PCDHGB7: variants seen among roughly 807,000 people sequenced by gnomAD.
PCDHGB7 encodes the protein protocadherin gamma-B7.
In PCDHGB7, 37 loss-of-function variants were observed where a neutral mutation model predicts 61.4. The observed-to-expected ratio is 0.60, with a 90% CI of 0.46 to 0.79. The LOEUF (loss-of-function observed/expected upper bound fraction) is 0.79, where lower values mean the gene tolerates loss of function less well. PCDHGB7 is among the 30% of genes least tolerant of loss of function. The pLI, the probability that PCDHGB7 is intolerant of heterozygous loss-of-function variation, is 0.00. For synonymous variants in PCDHGB7, 464 were observed against 503.5 expected (o/e 0.92, Z 1.05); for missense variants, 1,166 against 1,202.5 (o/e 0.97, Z 0.45).
At chr5:141,510,431 G>A (rs912708135) in intron 3 of PCDHGB7, among the ~76,000 whole-genome samples, 9 of 152,132 alleles carry the variant, frequency 5.9e-5, no homozygotes, top group African/African-American at 1.9e-4. Flanking sequence ...TTTCATGGCT[G>A]CTGCCCTCCA....
At chr5:141,427,280 A>G (rs1351534612) in intron 1 of PCDHGB7, 3 of 456,834 alleles carry the variant, frequency 6.6e-6, no homozygotes, top group Non-Finnish European at 8.8e-6. Context: ...GTAAAATTAT[A>G]CTAGAAATCC....
At chr5:141,439,668 A>C (rs944454917) in intron 1 of PCDHGB7, among the ~76,000 whole-genome samples, 1 of 152,230 alleles carries the variant, frequency 6.6e-6, no homozygotes, top group Non-Finnish European at 1.5e-5. Context: ...CATGGAATGC[A>C]AATCCAAGAG....
Position 141,485,790 on chromosome 5 carries a change from C to T in PCDHGB7, c.2416-9017C>T. On this transcript the variant is annotated intron_variant, in intron 1 of 3. Transcript: ENST00000398594. This position sits in a 1 kb window ranked among gnomAD's most constrained non-coding sequence, Gnocchi z 5.7. The stretch of plus-strand genomic sequence containing the variant: ...AAGCCTTTGGATCGAGAGAAGCAAT[C>T]GGACTACCGCCTGGTGCTGACTGCT... 6.2e-7 allele frequency: 1 copy of T among 1,614,204 alleles called. No homozygotes were observed. Among genetic ancestry groups the T allele is most frequent in the Non-Finnish European group, 8.5e-7 (1 of 1,180,032 alleles).
chr5:141,460,278 G>C (rs1380767218), intron 1 of PCDHGB7, among the ~76,000 whole-genome samples: 1 of 151,964 alleles, frequency 6.6e-6, no homozygotes, highest in African/African-American at 2.4e-5. Context: ...TTCTTTTATA[G>C]TTTGTATTTC....
rs2099883762 is a variant in PCDHGB7, at chr5:141,511,396, C to T, written c.*223C>T. 9.8e-7 allele frequency: 1 copy of T among 1,016,834 alleles called. No homozygotes were observed. Among genetic ancestry groups the T allele is most frequent in the South Asian group, 1.7e-5 (1 of 58,996 alleles). The allele number at this position is 1,016,834 out of a possible 1,614,324, so 63.0% of individuals were successfully genotyped here. ...AAGCAGTTCCGCTGGGAACCCCCAT[C>T]CAATCAACTGCTGTACCCATGGGGG... On this transcript the variant is annotated 3_prime_UTR_variant, in exon 4 of 4. Coordinates refer to ENST00000398594, the MANE Select transcript of PCDHGB7 (RefSeq NM_018927.4).
Position 141,432,038 on chromosome 5 carries a change from C to G in PCDHGB7, c.2415+11764C>G, listed in dbSNP as rs202246871. ...CAACATCACAGTGACCGCCACTGAC[C>G]GGGGAACCCCGCCCCTATCCACGGA... On this transcript the variant is annotated intron_variant, in intron 1 of 3. Transcript: ENST00000398594. This position sits in a 1 kb window ranked among gnomAD's most constrained non-coding sequence, Gnocchi z 6.0. 2 of 1,614,190 alleles carry G rather than the reference C, an allele frequency of 1.2e-6. No homozygotes were observed. The highest frequency in any genetic ancestry group is 8.5e-7 in the Non-Finnish European group (1 of 1,180,032).
At position 141,485,632 on chromosome 5, in the gene PCDHGB7, G is replaced by C; in HGVS notation, c.2416-9175G>C. 6.2e-7 allele frequency: 1 copy of C among 1,611,766 alleles called. No individual in the cohort carries two copies. The highest frequency in any genetic ancestry group is 8.5e-7 in the Non-Finnish European group (1 of 1,178,342). ...CAGCTCCTCCAGGACAGCGTTTCCC[G>C]TTGGAAAAGGCTCAGGATGCAGATG... is the stretch of plus-strand genomic sequence containing the variant. On this transcript the variant is annotated intron_variant, in intron 1 of 3. Coordinates refer to ENST00000398594, the MANE Select transcript of PCDHGB7 (RefSeq NM_018927.4). This position sits in a 1 kb window ranked among gnomAD's most constrained non-coding sequence, Gnocchi z 5.7.
chr5:141,445,249 G>T (rs1337658576), intron 1 of PCDHGB7, among the ~76,000 whole-genome samples: 2 of 152,170 alleles, frequency 1.3e-5, no homozygotes, highest in Non-Finnish European at 2.9e-5. Context: ...ACTATATTGT[G>T]TGAGAATATA....
At chr5:141,445,471 T>A (rs533909401) in intron 1 of PCDHGB7, among the ~76,000 whole-genome samples, 17 of 152,204 alleles carry the variant, frequency 1.1e-4, no homozygotes, top group Non-Finnish European at 2.4e-4. Context: ...AAGGCATATA[T>A]GATTCCTGAG....
intron 1 of PCDHGB7, among the ~76,000 whole-genome samples, 197 bp from the exon 2 acceptor site, chr5:141,494,610 T>C (rs1428159953): frequency 6.6e-6 from 1 of 152,152 alleles, no homozygotes; most frequent in Non-Finnish European, 1.5e-5. Flanking sequence ...GATTTATCTC[T>C]TGGTTTCTGG....
chr5:141,453,930 T>G (rs944390811), intron 1 of PCDHGB7, among the ~76,000 whole-genome samples: 10 of 152,242 alleles, frequency 6.6e-5, no homozygotes, highest in Non-Finnish European at 1.0e-4. Flanking sequence ...AGTCACTGTG[T>G]GCCTATAATT....
rs2099745591 is a variant in PCDHGB7, at chr5:141,492,999, T to C, written c.2416-1808T>C. Among the ~76,000 whole-genome samples, 3 of 152,350 alleles carry C rather than the reference T, an allele frequency of 2.0e-5. No homozygotes were observed. In the South Asian group the frequency reaches 6.2e-4, roughly 32 times the overall value. ...CTGTCTCCTCTGGCAGATGGAAAGCTATAGGCTCTGCCAGATGCCAGGGTG... is the reference window on the plus strand; with the variant it reads ...CTGTCTCCTCTGGCAGATGGAAAGCCATAGGCTCTGCCAGATGCCAGGGTG... On this transcript the variant is annotated intron_variant, in intron 1 of 3. Coordinates refer to ENST00000398594, the MANE Select transcript of PCDHGB7 (RefSeq NM_018927.4).
At position 141,431,667 on chromosome 5, in the gene PCDHGB7, C is replaced by T. The variant is rs759257105; in HGVS notation, c.2415+11393C>T. ...GATTGTAATTCAGGGACAATATCAA[C>T]AATAGGGGAGTTGGACCACGAGGAG... On this transcript the variant is annotated intron_variant, in intron 1 of 3. Coordinates refer to ENST00000398594, the MANE Select transcript of PCDHGB7 (RefSeq NM_018927.4). This position sits in a 1 kb window ranked among gnomAD's most constrained non-coding sequence, Gnocchi z 4.8. 1 of 1,614,226 alleles carries T rather than the reference C, an allele frequency of 6.2e-7. No individual in the cohort carries two copies. The highest frequency in any genetic ancestry group is 1.3e-5 in the African/African-American group (1 of 75,072).
chr5:141,489,073 C>A lies in PCDHGB7; in HGVS notation c.2416-5734C>A, dbSNP rs2099681983. 3.2e-6 allele frequency: 1 copy of A among 315,630 alleles called. No individual in the cohort carries two copies. The highest frequency in any genetic ancestry group is 5.7e-6 in the Non-Finnish European group (1 of 173,976). 19.6% of individuals were successfully genotyped at this position (315,630 alleles called of 1,614,324 possible). A position where few individuals can be genotyped will look rare whatever the true frequency, so the allele number is the denominator to read the frequency against. ...ATTCAGCTCCCCTCCCCCCTGCCCA[C>A]CCCCGCCACTCGGTGACTAAGAACT... On this transcript the variant is annotated intron_variant, in intron 1 of 3. Coordinates refer to ENST00000398594, the MANE Select transcript of PCDHGB7 (RefSeq NM_018927.4). The surrounding 1 kb of genome is among the most constrained non-coding windows in gnomAD (Gnocchi z 4.5).
chr5:141,458,273 G>C, intron 1 of PCDHGB7, among the ~76,000 whole-genome samples: 1 of 152,158 alleles, frequency 6.6e-6, no homozygotes, highest in Non-Finnish European at 1.5e-5. Context: ...AGGAACAACA[G>C]GGTTCCTGGT....
At chr5:141,464,883 T>G (rs995385615) in intron 1 of PCDHGB7, among the ~76,000 whole-genome samples, 1 of 152,086 alleles carries the variant, frequency 6.6e-6, no homozygotes, top group African/African-American at 2.4e-5. Flanking sequence ...GGACTACAGA[T>G]GGATGCCACC....
At chr5:141,421,512 G>A in intron 1 of PCDHGB7, 1 of 1,614,094 alleles carries the variant, frequency 6.2e-7, no homozygotes, top group Non-Finnish European at 8.5e-7. Flanking sequence ...ACCGGGAGGA[G>A]CTCTGTGAGA....
intron 1 of PCDHGB7, among the ~76,000 whole-genome samples, chr5:141,470,842 C>A (rs2099241464): frequency 6.6e-6 from 1 of 152,044 alleles, no homozygotes; most frequent in Non-Finnish European, 1.5e-5. Context: ...CACACGCCAC[C>A]ATGCTCAGAT....
intron 1 of PCDHGB7, among the ~76,000 whole-genome samples, chr5:141,429,326 T>A (rs571458414): frequency 6.6e-6 from 1 of 152,230 alleles, no homozygotes; most frequent in East Asian, 1.9e-4. Context: ...TTTTCTTTAA[T>A]CCATTAACTA....
Sources: allele counts gnomAD v4.1 joint callset (sites outside exome capture counted in the v4.1 genomes callset), GRCh38; gene constraint gnomAD v4.1.1; non-coding constraint Gnocchi (gnomAD v3.1); transcripts MANE v1.5; gene names NCBI Gene and HGNC (gene_info 2026-07-23, HGNC 2026-07-21).